The following RNF220 variants were observed in gnomAD, a reference collection of about 807,000 sequenced individuals.
The protein encoded by RNF220 is E3 ubiquitin-protein ligase RNF220.
Under a neutral mutation model 67.1 loss-of-function variants are expected in RNF220, and 7 were observed. That is an observed-to-expected ratio of 0.10 (90% CI 0.06 to 0.20). RNF220 has a LOEUF of 0.20. Among genes scored for constraint, RNF220 ranks in the 10% least tolerant of loss-of-function variants. The pLI, the probability that RNF220 is intolerant of heterozygous loss-of-function variation, is 1.00. For missense variants in RNF220, 565 were observed against 740.3 expected, an observed-to-expected ratio of 0.76 and a Z score of 2.75; for synonymous variants, 270 against 283.2, an observed-to-expected ratio of 0.95 and a Z score of 0.47.
intron 2 of RNF220, among the ~76,000 whole-genome samples, chr1:44,553,982 A>C (rs906294286): frequency 1.3e-5 from 2 of 152,190 alleles, no homozygotes; most frequent in Non-Finnish European, 2.9e-5. Flanking sequence ...AGAAGGAGCC[A>C]GGGCAATACT....
At position 44,491,905 on chromosome 1, in the gene RNF220, C is replaced by A. The variant is rs1656890827; in HGVS notation, c.625+79183C>A. Reference sequence around the variant, plus strand: ...GCTTGAACTCCTGGTCTCAAGTGATCCACCCGCTTCGGCCTCCCAAAGTGC... The same window carrying A: ...GCTTGAACTCCTGGTCTCAAGTGATACACCCGCTTCGGCCTCCCAAAGTGC... On this transcript the variant is annotated intron_variant, in intron 2 of 14. Coordinates refer to ENST00000361799, the MANE Select transcript of RNF220 (RefSeq NM_018150.4). Among the ~76,000 whole-genome samples, 6 of 152,172 alleles carry A rather than the reference C, an allele frequency of 3.9e-5. No homozygotes were observed. In the South Asian group the frequency reaches 1.2e-3, roughly 31 times the overall value.
chr1:44,631,501 G>A (rs1304377078), intron 5 of RNF220, among the ~76,000 whole-genome samples: 1 of 152,248 alleles, frequency 6.6e-6, no homozygotes, highest in South Asian at 2.1e-4. Flanking sequence ...TGTTGGCCAT[G>A]TTGGCCGTGT....
intron 2 of RNF220, among the ~76,000 whole-genome samples, chr1:44,533,936 A>C (rs1210019028): frequency 6.6e-6 from 1 of 152,234 alleles, no homozygotes; most frequent in Non-Finnish European, 1.5e-5. Context: ...CCGAAGAAGG[A>C]GGTGGGTGCC....
chr1:44,545,104 G>A (rs551423315), intron 2 of RNF220, among the ~76,000 whole-genome samples: 2 of 152,230 alleles, frequency 1.3e-5, no homozygotes, highest in African/African-American at 2.4e-5. Context: ...ACACCTCGGC[G>A]TTGCCTCCAC....
chr1:44,635,958 C>T, intron 7 of RNF220, 72 bp from the exon 8 acceptor site: 1 of 1,607,570 alleles, frequency 6.2e-7, no homozygotes. Flanking sequence ...TAGAGCTGTG[C>T]CTTCGTTGCA....
At position 44,437,771 on chromosome 1, in the gene RNF220, T is replaced by C. The variant is rs114221291; in HGVS notation, c.625+25049T>C. On this transcript the variant is annotated intron_variant, in intron 2 of 14. Coordinates refer to ENST00000361799, the MANE Select transcript of RNF220 (RefSeq NM_018150.4). The stretch of plus-strand genomic sequence containing the variant: ...AGACAGTAGCTGTCATGATCTGCAA[T>C]GTCCTTTTCATTGTCTTGCTTTCAA... Among the ~76,000 whole-genome samples, 557 of 151,886 alleles carry C rather than the reference T, an allele frequency of 3.7e-3. 4 individuals are homozygous for C. The highest frequency in any genetic ancestry group is 0.013 in the African/African-American group (537 of 41,156).
At chr1:44,521,821 T>C (rs1005771401) in intron 2 of RNF220, among the ~76,000 whole-genome samples, 2 of 152,188 alleles carry the variant, frequency 1.3e-5, no homozygotes, top group Non-Finnish European at 2.9e-5. Flanking sequence ...TTCTACTGCC[T>C]AGTACAGTAC....
At position 44,405,484 on chromosome 1, in the gene RNF220, C is replaced by T. The variant is rs1572391236; in HGVS notation, c.-164C>T. ...ACCACACTCTCCGCCTGCTTCCCTC[C>T]GTGTCCTGAAAAGTGCGACCGTTCT... On this transcript the variant is annotated 5_prime_UTR_variant, in exon 1 of 15. Coordinates refer to ENST00000361799, the MANE Select transcript of RNF220 (RefSeq NM_018150.4). 2.0e-6 allele frequency: 1 copy of T among 506,540 alleles called. No individual in the cohort carries two copies. 31.4% of individuals were successfully genotyped at this position (506,540 alleles called of 1,614,324 possible). A position where few individuals can be genotyped will look rare whatever the true frequency, so the allele number is the denominator to read the frequency against.
intron 2 of RNF220, among the ~76,000 whole-genome samples, chr1:44,494,450 A>G (rs987899968): frequency 1.3e-5 from 2 of 152,138 alleles, no homozygotes; most frequent in Non-Finnish European, 2.9e-5. Context: ...GACAACCTAA[A>G]TGTTCCTCTC....
At chr1:44,583,540 T>C (rs903054779) in intron 2 of RNF220, among the ~76,000 whole-genome samples, 1 of 152,234 alleles carries the variant, frequency 6.6e-6, no homozygotes, top group African/African-American at 2.4e-5. Flanking sequence ...TACCATGTAG[T>C]CACACTGGAT....
At chr1:44,441,736 A>G (rs192762595) in intron 2 of RNF220, among the ~76,000 whole-genome samples, 3 of 152,360 alleles carry the variant, frequency 2.0e-5, no homozygotes, top group South Asian at 2.1e-4. Context: ...TACTCAAGAC[A>G]TGATAAGAGG....
At position 44,440,506 on chromosome 1, in the gene RNF220, T is replaced by G. The variant is rs535811144; in HGVS notation, c.625+27784T>G. 1.3e-4 allele frequency among the ~76,000 whole-genome samples: 20 copies of G among 152,352 alleles called. No homozygotes were observed. In the South Asian group the frequency reaches 4.1e-3, roughly 32 times the overall value. The stretch of plus-strand genomic sequence containing the variant: ...AGTAAAGAGGAAATAAATTTAAAAT[T>G]TACTGTTTAACAGCCCTGCAGGTAG... On this transcript the variant is annotated intron_variant, in intron 2 of 14. Transcript: ENST00000361799.
intron 1 of RNF220, among the ~76,000 whole-genome samples, chr1:44,407,240 C>A (rs1357968962): frequency 6.6e-6 from 1 of 152,120 alleles, no homozygotes; most frequent in African/African-American, 2.4e-5. Flanking sequence ...TCTTGCCTCT[C>A]GCCTCCGCTC....
chr1:44,440,019 G>C (rs1243328918), intron 2 of RNF220, among the ~76,000 whole-genome samples: 1 of 152,224 alleles, frequency 6.6e-6, no homozygotes, highest in Non-Finnish European at 1.5e-5. Context: ...TTGTGACTGA[G>C]TAGAAGTTAG....
rs1220830534 is a variant in RNF220 at position 44,509,916 on chromosome 1, GAAAGAAAGAAAAGGA to G, written c.625+97208_625+97222del. Among the ~76,000 whole-genome samples, 8 of 139,806 alleles carry G rather than the reference GAAAGAAAGAAAAGGA, an allele frequency of 5.7e-5. 1 individual carries two copies. Among genetic ancestry groups the G allele is most frequent in the African/African-American group, 1.8e-4 (7 of 37,986 alleles). The allele number at this position is 139,806 out of a possible 152,430, so 91.7% of individuals were successfully genotyped here. ...AAAAAAAAAAAAAAAAGGAAGGAAG[GAAAGAAAGAAAAGGA>G]AAAGAAAGAAAAGAAAATCAGCATA... is the stretch of plus-strand genomic sequence containing the variant. On this transcript the variant is annotated intron_variant, in intron 2 of 14. Coordinates refer to ENST00000361799, the MANE Select transcript of RNF220 (RefSeq NM_018150.4).
Position 44,632,400 on chromosome 1 carries a change from G to GGCCCCCCCCCCCC in RNF220, c.949+15_949+16insGCCCCCCCCCCCC. 3.1e-6 allele frequency: 5 copies of GGCCCCCCCCCCCC among 1,607,444 alleles called. No individual in the cohort carries two copies. Among genetic ancestry groups the GGCCCCCCCCCCCC allele is most frequent in the Non-Finnish European group, 3.4e-6 (4 of 1,177,488 alleles). On this transcript the variant is annotated intron_variant, in intron 6 of 14. Coordinates refer to ENST00000361799, the MANE Select transcript of RNF220 (RefSeq NM_018150.4). ...CCGACTGAATGGTGAGTCCTGCCCG[G>GGCCCCCCCCCCCC]CCCCTCCCTCCGCCCCACCCCCGGC...
At chr1:44,571,296 T>C (rs1214437976) in intron 2 of RNF220, among the ~76,000 whole-genome samples, 1 of 152,192 alleles carries the variant, frequency 6.6e-6, no homozygotes, top group Non-Finnish European at 1.5e-5. Context: ...ACTTATTTCC[T>C]CTACCTGAAA....
At chr1:44,595,986 G>A (rs1286635764) in intron 2 of RNF220, among the ~76,000 whole-genome samples, 12 of 152,056 alleles carry the variant, frequency 7.9e-5, no homozygotes, top group Non-Finnish European at 2.9e-5. Flanking sequence ...GGATGGTCTC[G>A]ATCTCCTGAC....
Position 44,412,778 on chromosome 1 carries a change from A to T in RNF220, c.625+56A>T. ...CCCCAGTAAGCCCTGCCTCACCGTG[A>T]TGTTCAACAGGTCGGTGGCGTTTTG... On this transcript the variant is annotated intron_variant, in intron 2 of 14. Coordinates refer to ENST00000361799, the MANE Select transcript of RNF220 (RefSeq NM_018150.4). This position sits in a 1 kb window ranked among gnomAD's most constrained non-coding sequence, Gnocchi z 5.3. 1.9e-6 allele frequency: 3 copies of T among 1,560,120 alleles called. No homozygotes were observed. Among genetic ancestry groups the T allele is most frequent in the Non-Finnish European group, 1.7e-6 (2 of 1,151,730 alleles).
Sources: allele counts gnomAD v4.1 joint callset (sites outside exome capture counted in the v4.1 genomes callset), GRCh38; gene constraint gnomAD v4.1.1; non-coding constraint Gnocchi (gnomAD v3.1); transcripts MANE v1.5; gene names NCBI Gene and HGNC (gene_info 2026-07-23, HGNC 2026-07-21).